Variants in RNF6 observed in about 807,000 individuals in gnomAD.
RNF6 encodes ring finger protein 6.
RNF6 carries 21 observed loss-of-function variants against 50.1 expected under a neutral mutation model. The observed-to-expected ratio is 0.42, with a 90% CI of 0.30 to 0.60. RNF6 has a LOEUF of 0.60. RNF6 is among the 20% of genes least tolerant of loss of function. RNF6 has a pLI of 0.20. For synonymous variants in RNF6, 255 were observed against 291.8 expected, an observed-to-expected ratio of 0.87 and a Z score of 1.29; for missense variants, 698 against 838.2, an observed-to-expected ratio of 0.83 and a Z score of 2.07.
chr13:26,145,447 G>C (rs1192617432), intron 5 of RNF6, among the ~76,000 whole-genome samples: 1 of 106,926 alleles, frequency 9.4e-6, no homozygotes, highest in Non-Finnish European at 2.1e-5. Flanking sequence ...CTGAATCATG[G>C]GGAGGGGGGG....
At chr13:26,154,668 G>T (rs1871809994) in intron 5 of RNF6, among the ~76,000 whole-genome samples, 1 of 152,154 alleles carries the variant, frequency 6.6e-6, no homozygotes, top group Non-Finnish European at 1.5e-5. Context: ...TGATAAGTTA[G>T]GTGTACATAT....
In RNF6 at chr13:26,214,008, T is replaced by G; in HGVS notation, c.1874A>C (p.Asp625Ala). 6.2e-7 allele frequency: 1 copy of G among 1,614,208 alleles called. No homozygotes were observed. Residue 625 changes from aspartate (D) to alanine (A), a missense_variant, in exon 5 of 5, where the codon GAT becomes GCT. By Grantham distance (126) the Asp-to-Ala change is moderately radical (BLOSUM62 -2). Transcript: ENST00000381588. The stretch of plus-strand genomic sequence containing the variant: ...ACTACAGATTTTACCTAGTTCACTA[T>G]CAATACTGTTATGCTCATAGTGCCT... The part of the protein sequence containing the change: ...STRHYEHNSI[D>A]SELGKICSVC...
chr13:26,214,055 C>G lies in RNF6; in HGVS notation c.1827G>C (p.Glu609Asp). Residue 609 changes from glutamate (E) to aspartate (D), a missense_variant, in exon 5 of 5, where the codon GAG (glutamate) becomes GAC (aspartate). Physicochemically the swap from Glu to Asp is conservative, Grantham distance 45 (BLOSUM62 2). Coordinates refer to ENST00000381588, the MANE Select transcript of RNF6 (RefSeq NM_005977.4). ...GCCTGGTGGAAAGATTGTCAATCTG[C>G]TCTTTGGTTAAACCACGTATTCGAT... The part of the protein sequence containing the change: ...DDDRIRGLTK[E>D]QIDNLSTRHY... 1.2e-6 allele frequency: 2 copies of G among 1,614,170 alleles called. No individual in the cohort carries two copies. Among genetic ancestry groups the G allele is most frequent in the Non-Finnish European group, 1.7e-6 (2 of 1,180,042 alleles).
chr13:26,184,008 ATATATATATATTTTTTTTTTTT>A (rs1366109812), intron 5 of RNF6, among the ~76,000 whole-genome samples: 1 of 12,194 alleles, frequency 8.2e-5, no homozygotes, highest in East Asian at 2.0e-3. Flanking sequence ...ATATATATAT[ATATATATATATTTTTTTTTTTT>A]TTTTTTTTTT....
At chr13:26,201,773 C>T (rs1031280104) in intron 5 of RNF6, among the ~76,000 whole-genome samples, 3 of 152,132 alleles carry the variant, frequency 2.0e-5, no homozygotes, top group African/African-American at 7.2e-5. Flanking sequence ...AATTAAGAGG[C>T]AGACATGGGC....
intron 2 of RNF6, among the ~76,000 whole-genome samples, chr13:26,219,970 G>A (rs1418107065): frequency 6.6e-6 from 1 of 152,164 alleles, no homozygotes; most frequent in Non-Finnish European, 1.5e-5. Flanking sequence ...TTGACGATCT[G>A]GAAAAGTTGA....
intron 5 of RNF6, among the ~76,000 whole-genome samples, chr13:26,161,935 C>G (rs1180164038): frequency 6.6e-6 from 1 of 152,164 alleles, no homozygotes; most frequent in Non-Finnish European, 1.5e-5. Context: ...CAAGTCAACT[C>G]CTAGATTTCT....
intron 5 of RNF6, among the ~76,000 whole-genome samples, chr13:26,148,632 T>TTATATATGTATATATA (rs1555314574): frequency 2.1e-5 from 1 of 47,086 alleles, no homozygotes; most frequent in African/African-American, 1.1e-4. Flanking sequence ...ATAAATCTCT[T>TTATATATGTATATATA]TATATATATA....
chr13:26,147,566 C>A (rs117701301), intron 5 of RNF6, among the ~76,000 whole-genome samples: 4,820 of 152,108 alleles, frequency 0.032, 127 homozygotes, highest in Middle Eastern at 0.088. Context: ...CAAAGAAGAC[C>A]CATCAAAATT....
At position 26,219,572 on chromosome 13, in the gene RNF6, C is replaced by G. The variant is rs1870257346; in HGVS notation, c.78G>C (p.Glu26Asp). 1.2e-6 allele frequency: 2 copies of G among 1,613,906 alleles called. No individual in the cohort carries two copies. Among genetic ancestry groups the G allele is most frequent in the Admixed American group, 3.3e-5 (2 of 60,002 alleles). Residue 26 changes from glutamate (E) to aspartate (D), a missense_variant, in exon 3 of 5, where the codon GAG becomes GAC. Coordinates refer to ENST00000381588, the MANE Select transcript of RNF6 (RefSeq NM_005977.4). ...LPQDHNHHENERRWQQERLHR... is the reference protein window; with the variant it reads ...LPQDHNHHENDRRWQQERLHR... ...GGAGACGCTCTTGCTGCCATCTTCT[C>G]TCATTTTCATGATGATTATGGTCTT...
intron 5 of RNF6, among the ~76,000 whole-genome samples, chr13:26,188,622 G>GTTTTTTTTT (rs1566427058): frequency 1.8e-5 from 1 of 55,936 alleles, no homozygotes; most frequent in African/African-American, 1.1e-4. Flanking sequence ...AGTCAAAAGA[G>GTTTTTTTTT]CTTTTTTTTT....
chr13:26,166,290 G>T (rs7327585), intron 5 of RNF6, among the ~76,000 whole-genome samples: 17 of 152,128 alleles, frequency 1.1e-4, no homozygotes, highest in Non-Finnish European at 1.9e-4. Flanking sequence ...TTTGTAAATT[G>T]CTCAGTCTCT....
intron 5 of RNF6, among the ~76,000 whole-genome samples, chr13:26,190,482 C>A (rs1181003835): frequency 6.6e-6 from 1 of 152,154 alleles, no homozygotes; most frequent in Non-Finnish European, 1.5e-5. Flanking sequence ...AGATGCTTAC[C>A]TAACTCAGTA....
Position 26,214,994 on chromosome 13 carries a change from T to C in RNF6, c.888A>G (p.Gln296=), listed in dbSNP as rs145338838. 5.8e-4 allele frequency: 944 copies of C among 1,614,202 alleles called. 1 individual carries two copies. Among genetic ancestry groups the C allele is most frequent in the Non-Finnish European group, 7.4e-4 (869 of 1,180,040 alleles). The part of the protein sequence containing the change: ...RSNVTVRNTN[Q]RLEPIRLRST... The stretch of plus-strand genomic sequence containing the variant: ...ATCGTAATCTTATTGGCTCTAATCT[T>C]TGGTTTGTATTCCTCACTGTAACAT... The change falls in exon 5 of 5, where the codon CAA becomes CAG. Residue 296 remains glutamine (Q), a synonymous_variant. Coordinates refer to ENST00000381588, the MANE Select transcript of RNF6 (RefSeq NM_005977.4).
In RNF6 at chr13:26,214,218, G is replaced by T. The variant is rs544372285; in HGVS notation, c.1664C>A (p.Thr555Asn). Residue 555 changes from threonine to asparagine, a missense_variant, in exon 5 of 5, where the codon ACC becomes AAC. By Grantham distance (65) the Thr-to-Asn change is moderately conservative. Coordinates refer to ENST00000381588, the MANE Select transcript of RNF6 (RefSeq NM_005977.4). ...DSTEMHGENE[T>N]TQPHTRNSDS... ...ACTGTTTCGAGTATGAGGCTGGGTG[G>T]TCTCGTTTTCACCATGCATTTCAGT... is the stretch of plus-strand genomic sequence containing the variant. The T allele has an allele frequency of 3.1e-5, 50 of 1,614,046 alleles. No individual in the cohort carries two copies. Among genetic ancestry groups the T allele is most frequent in the Non-Finnish European group, 4.2e-5 (50 of 1,180,044 alleles).
intron 5 of RNF6, among the ~76,000 whole-genome samples, chr13:26,169,070 C>T (rs1168116022): frequency 1.3e-5 from 2 of 152,134 alleles, no homozygotes; most frequent in African/African-American, 4.8e-5. Context: ...GTGTTGGGTA[C>T]CCTGGGAAAA....
At chr13:26,217,988 TC>T (rs1473044325) in intron 4 of RNF6, among the ~76,000 whole-genome samples, 3 of 152,218 alleles carry the variant, frequency 2.0e-5, no homozygotes, top group Admixed American at 6.5e-5. Context: ...AATAAATACC[TC>T]TGAGGAGGGA....
chr13:26,208,603 A>C (rs888651061), downstream of RNF6, among the ~76,000 whole-genome samples: 3 of 152,214 alleles, frequency 2.0e-5, no homozygotes, highest in African/African-American at 7.2e-5. Context: ...CTTTTAGTGA[A>C]TCACTAAATT....
intron 5 of RNF6, among the ~76,000 whole-genome samples, chr13:26,177,344 G>T (rs1248922220): frequency 6.6e-6 from 1 of 152,270 alleles, no homozygotes. Context: ...AGACCACTTT[G>T]CCAAGGTCAC....
Sources: gnomAD v4.1 joint callset for allele counts (sites outside exome capture counted in the v4.1 genomes callset) on GRCh38, gnomAD v4.1.1 for gene constraint, MANE v1.5 for transcripts, NCBI Gene and HGNC (gene_info 2026-07-23, HGNC 2026-07-21) for gene names.